Variants in CLIC5 observed in about 807,000 individuals in gnomAD.
CLIC5 encodes the protein CLIC family member 5.
A neutral mutation model predicts 24.7 loss-of-function variants in CLIC5; 20 were observed. That is an observed-to-expected ratio of 0.81 (90% CI 0.57 to 1.18). The LOEUF is 1.18. Among genes scored for constraint, CLIC5 ranks in the 50% most tolerant of loss-of-function variants. The probability of loss-of-function intolerance (pLI) is 0.00; values close to 1 mark genes in which losing one functional copy is unlikely to be tolerated. For missense variants in CLIC5, 341 were observed against 326.1 expected (o/e 1.05, Z -0.35); for synonymous variants, 159 against 135.6 (o/e 1.17, Z -1.20).
At chr6:46,017,980 C>T (rs1000269478), upstream of CLIC5, among the ~76,000 whole-genome samples, 2 of 152,196 alleles carry the variant, frequency 1.3e-5, no homozygotes, top group Non-Finnish European at 2.9e-5. Context: ...TAATTGCTTT[C>T]CTCCTGCTTG....
chr6:45,988,870 G>A (rs938960819), intron 1 of CLIC5, among the ~76,000 whole-genome samples: 1 of 152,196 alleles, frequency 6.6e-6, no homozygotes, highest in African/African-American at 2.4e-5. Flanking sequence ...ACCTCTGGCA[G>A]GCTCAGTGCA....
At chr6:45,954,039 G>A (rs539955261) in intron 2 of CLIC5, among the ~76,000 whole-genome samples, 4 of 152,238 alleles carry the variant, frequency 2.6e-5, no homozygotes, top group African/African-American at 7.2e-5. Flanking sequence ...ACTTTGGGAG[G>A]TCGAGGTGGG....
At chr6:45,987,551 A>G (rs1370621847) in intron 1 of CLIC5, among the ~76,000 whole-genome samples, 1 of 152,250 alleles carries the variant, frequency 6.6e-6, no homozygotes, top group African/African-American at 2.4e-5. Flanking sequence ...TCAGCCTGCC[A>G]TAACAAAATC....
intron 1 of CLIC5, among the ~76,000 whole-genome samples, chr6:45,990,283 T>C (rs1561987878): frequency 6.6e-6 from 1 of 152,250 alleles, no homozygotes; most frequent in Non-Finnish European, 1.5e-5. Flanking sequence ...TATTACTTTT[T>C]AAAGTGGTTT....
At chr6:46,124,573 A>G in the CLIC5 span, among the ~76,000 whole-genome samples, 1 of 152,244 alleles carries the variant, frequency 6.6e-6, no homozygotes, top group East Asian at 1.9e-4. Context: ...AAAATTGACA[A>G]ATGGGATCTA....
intron 5 of CLIC5, among the ~76,000 whole-genome samples, chr6:45,907,994 A>G (rs7773041): frequency 0.16 from 24,893 of 152,090 alleles, 3,818 homozygotes; most frequent in African/African-American, 0.41. Flanking sequence ...TTTTCAAGGC[A>G]ATTGAAAAGT....
rs1762442152 is a variant in CLIC5 at position 45,898,992 on chromosome 6, A to ATCTATT, written c.*4090_*4095dup. ...TTTTTGGTTGCAAGAAAGGAATTGG[A>ATCTATT]TCTATTTCTTTAACGTTAAATGAAA... is the stretch of plus-strand genomic sequence containing the variant. On this transcript the variant is annotated 3_prime_UTR_variant, in exon 6 of 6. Transcript: ENST00000339561. The ATCTATT allele has an allele frequency of 1.3e-5, 2 of 152,210 alleles. No individual in the cohort carries two copies. Among genetic ancestry groups the ATCTATT allele is most frequent in the South Asian group, 4.1e-4 (2 of 4,834 alleles). 9.4% of individuals were successfully genotyped at this position (152,210 alleles called of 1,614,324 possible). A position where few individuals can be genotyped will look rare whatever the true frequency, so the allele number is the denominator to read the frequency against.
intron 1 of CLIC5, among the ~76,000 whole-genome samples, chr6:46,076,194 T>C (rs1762764625): frequency 6.6e-6 from 1 of 152,186 alleles, no homozygotes; most frequent in African/African-American, 2.4e-5. Context: ...TCATGGTCTG[T>C]GCCTCTGCAC....
intron 6 of CLIC5, chr6:45,892,064 A>G (rs1179487820): frequency 1.3e-5 from 2 of 152,128 alleles, no homozygotes; most frequent in Non-Finnish European, 2.9e-5. Flanking sequence ...AACATTTTTC[A>G]TGACTTTATG....
chr6:46,072,479 A>G (rs1010220303), intron 1 of CLIC5, among the ~76,000 whole-genome samples: 2 of 152,148 alleles, frequency 1.3e-5, no homozygotes, highest in Admixed American at 1.3e-4. Context: ...TAGTTTGTAC[A>G]ATTAGTGATG....
At chr6:45,926,735 G>A (rs1192769064) in intron 4 of CLIC5, among the ~76,000 whole-genome samples, 1 of 152,072 alleles carries the variant, frequency 6.6e-6, no homozygotes, top group Non-Finnish European at 1.5e-5. Flanking sequence ...AATTTCCCTT[G>A]AATGTGGTTA....
At chr6:46,036,306 CTTTTTTTT>C (rs67557243) in intron 1 of CLIC5, among the ~76,000 whole-genome samples, 1 of 88,164 alleles carries the variant, frequency 1.1e-5, no homozygotes, top group Non-Finnish European at 2.1e-5. Flanking sequence ...ACTGCAAGGT[CTTTTTTTT>C]TTTTTTTTTT....
At chr6:45,947,836 T>A (rs150868623) in intron 3 of CLIC5, among the ~76,000 whole-genome samples, 1 of 152,294 alleles carries the variant, frequency 6.6e-6, no homozygotes, top group South Asian at 2.1e-4. Flanking sequence ...GTCCTATTGA[T>A]TTAATTAATG....
chr6:45,929,674 G>C lies in CLIC5; in HGVS notation c.406+11873C>G, dbSNP rs1342860990. Among the ~76,000 whole-genome samples the C allele has an allele frequency of 2.6e-5, 4 of 152,162 alleles. 1 individual carries two copies. The highest frequency in any genetic ancestry group is 4.1e-4 in the South Asian group (2 of 4,826). On this transcript the variant is annotated intron_variant, in intron 4 of 5. Coordinates refer to ENST00000339561, the MANE Select transcript of CLIC5 (RefSeq NM_016929.5). ...TGTGGAGGTCGGCCTGACCACCCAG[G>C]AGCCTTCACCAAGATGGCCTGATAA...
intron 1 of CLIC5, among the ~76,000 whole-genome samples, chr6:46,027,766 T>G (rs1341211492): frequency 6.6e-6 from 1 of 152,178 alleles, no homozygotes; most frequent in Non-Finnish European, 1.5e-5. Context: ...ATCTCAAAAT[T>G]CCTCACACTT....
chr6:45,889,532 A>G (rs1762331937), intron 6 of CLIC5, among the ~76,000 whole-genome samples: 1 of 152,224 alleles, frequency 6.6e-6, no homozygotes, highest in Non-Finnish European at 1.5e-5. Context: ...GTGGGGCAGT[A>G]AGGGTATATA....
chr6:46,076,152 G>A (rs1429084070), intron 1 of CLIC5, among the ~76,000 whole-genome samples: 3 of 152,162 alleles, frequency 2.0e-5, no homozygotes, highest in Non-Finnish European at 4.4e-5. Flanking sequence ...AGTGAGTGAG[G>A]TTCCCCTAGT....
the CLIC5 span, among the ~76,000 whole-genome samples, chr6:46,125,411 C>T: frequency 6.6e-6 from 1 of 152,116 alleles, no homozygotes; most frequent in Non-Finnish European, 1.5e-5. Context: ...GAACATCACA[C>T]ACCAGGGCCT....
chr6:46,093,887 C>T, the CLIC5 span, among the ~76,000 whole-genome samples: 1 of 152,200 alleles, frequency 6.6e-6, no homozygotes, highest in Admixed American at 6.5e-5. Flanking sequence ...AAAGAAATAC[C>T]TGACACCAGG....
Sources: allele counts gnomAD v4.1 joint callset (sites outside exome capture counted in the v4.1 genomes callset), GRCh38; gene constraint gnomAD v4.1.1; transcripts MANE v1.5; gene names NCBI Gene and HGNC (gene_info 2026-07-23, HGNC 2026-07-21).